Variants in CNTNAP2 observed in about 807,000 individuals in gnomAD.
CNTNAP2 encodes contactin associated protein 2, also known as contactin-associated protein-like 2.
Under a neutral mutation model 155.2 loss-of-function variants are expected in CNTNAP2, and 98 were observed. The observed-to-expected ratio is 0.63, with a 90% CI of 0.54 to 0.75. The LOEUF is 0.75. Among genes scored for constraint, CNTNAP2 ranks in the 30% least tolerant of loss-of-function variants. CNTNAP2 has a pLI of 0.00. For synonymous variants in CNTNAP2, 651 were observed against 631.2 expected (o/e 1.03, Z -0.47); for missense variants, 1,727 against 1,688.1 (o/e 1.02, Z -0.40).
At chr7:146,927,960 GTATA>G (rs58609819) in intron 3 of CNTNAP2, among the ~76,000 whole-genome samples, 44,874 of 146,068 alleles carry the variant, frequency 0.31, 7,393 homozygotes, top group Non-Finnish European at 0.37. Flanking sequence ...TAATGTGTGT[GTATA>G]TATATATATA....
intron 3 of CNTNAP2, among the ~76,000 whole-genome samples, chr7:146,993,794 A>G (rs1022967699): frequency 5.9e-5 from 9 of 152,162 alleles, no homozygotes; most frequent in Non-Finnish European, 7.4e-5. Context: ...CGTGCTACAT[A>G]TGACTATTTT....
At chr7:147,217,637 T>C (rs1803303741) in intron 8 of CNTNAP2, among the ~76,000 whole-genome samples, 1 of 151,970 alleles carries the variant, frequency 6.6e-6, no homozygotes, top group African/African-American at 2.4e-5. Flanking sequence ...TCTAGGTTTG[T>C]TGCTAAGATG....
At position 147,132,484 on chromosome 7, in the gene CNTNAP2, G is replaced by C; in HGVS notation, c.1323G>C (p.Lys441Asn). 6.2e-7 allele frequency: 1 copy of C among 1,613,592 alleles called. No individual in the cohort carries two copies. The highest frequency in any genetic ancestry group is 8.5e-7 in the Non-Finnish European group (1 of 1,179,690). ...TTCACATCAACATCACACAGACCAA[G>C]ATGAGCCAAATCGATATTTCCTCAG... ...VGVHINITQT[K>N]MSQIDISSGS... The change falls in exon 8 of 24, where the codon AAG (lysine) becomes AAC (asparagine). Residue 441 changes from lysine to asparagine, a missense_variant. Coordinates refer to ENST00000361727, the MANE Select transcript of CNTNAP2 (RefSeq NM_014141.6).
intron 1 of CNTNAP2, among the ~76,000 whole-genome samples, chr7:146,364,815 C>A (rs376411326): frequency 2.0e-5 from 3 of 152,094 alleles, no homozygotes; most frequent in Non-Finnish European, 4.4e-5. Context: ...ACTACAGGAA[C>A]CTTTGAACAT....
intron 4 of CNTNAP2, among the ~76,000 whole-genome samples, chr7:147,055,784 C>G (rs1030617521): frequency 6.6e-6 from 1 of 151,992 alleles, no homozygotes. Context: ...TAGGAGGGAA[C>G]GGAAGCCCAA....
At chr7:146,579,551 C>T (rs1429776749) in intron 1 of CNTNAP2, among the ~76,000 whole-genome samples, 1 of 152,018 alleles carries the variant, frequency 6.6e-6, no homozygotes, top group Admixed American at 6.6e-5. Context: ...GACTGTTAAC[C>T]TTCACTTAAG....
chr7:148,186,856 A>G (rs181870371), intron 18 of CNTNAP2, among the ~76,000 whole-genome samples: 1 of 152,246 alleles, frequency 6.6e-6, no homozygotes, highest in Admixed American at 6.5e-5. Context: ...CAGTGGTCCA[A>G]TTTGCTATGG....
chr7:147,992,008 G>T (rs1801718048), intron 15 of CNTNAP2, among the ~76,000 whole-genome samples: 1 of 144,880 alleles, frequency 6.9e-6, no homozygotes, highest in Non-Finnish European at 1.5e-5. Flanking sequence ...TGATAGTTCT[G>T]TTATAGCAGT....
At chr7:147,385,188 C>A (rs700301) in intron 9 of CNTNAP2, among the ~76,000 whole-genome samples, 21,249 of 152,160 alleles carry the variant, frequency 0.14, 1,671 homozygotes, top group East Asian at 0.32. Flanking sequence ...GATTCCTTCC[C>A]TGACTCGTGG....
chr7:146,778,735 AC>A (rs1802433180), intron 2 of CNTNAP2, among the ~76,000 whole-genome samples: 1 of 152,214 alleles, frequency 6.6e-6, no homozygotes, highest in Non-Finnish European at 1.5e-5. Flanking sequence ...AATCTTCATA[AC>A]AACCTGGTTA....
chr7:147,692,672 C>T (rs941820506), intron 13 of CNTNAP2, among the ~76,000 whole-genome samples: 9 of 151,986 alleles, frequency 5.9e-5, no homozygotes, highest in Non-Finnish European at 8.8e-5. Flanking sequence ...TGTTAAGATA[C>T]GGACCATTTT....
chr7:147,247,732 T>TA (rs1482326139), intron 8 of CNTNAP2, among the ~76,000 whole-genome samples: 1 of 152,176 alleles, frequency 6.6e-6, no homozygotes, highest in Non-Finnish European at 1.5e-5. Flanking sequence ...AAGTTTCTTC[T>TA]AATAATATCA....
chr7:146,619,858 T>A (rs964494549), intron 1 of CNTNAP2, among the ~76,000 whole-genome samples: 1 of 152,222 alleles, frequency 6.6e-6, no homozygotes, highest in Non-Finnish European at 1.5e-5. Flanking sequence ...ATTCGAATAC[T>A]ATGTAGATGT....
At chr7:148,001,137 A>C (rs1164383458) in intron 15 of CNTNAP2, among the ~76,000 whole-genome samples, 2 of 152,206 alleles carry the variant, frequency 1.3e-5, no homozygotes, top group Non-Finnish European at 2.9e-5. Context: ...TTTCCAAATT[A>C]GGTCACACTC....
At chr7:146,642,934 T>C (rs1476109513) in intron 1 of CNTNAP2, among the ~76,000 whole-genome samples, 9 of 151,712 alleles carry the variant, frequency 5.9e-5, no homozygotes, top group Non-Finnish European at 1.2e-4. Context: ...GTTTCATGTG[T>C]TTTTTGGCTG....
intron 2 of CNTNAP2, among the ~76,000 whole-genome samples, chr7:146,802,846 T>C (rs1802904664): frequency 6.6e-6 from 1 of 152,166 alleles, no homozygotes; most frequent in African/African-American, 2.4e-5. Flanking sequence ...AATTGATTAC[T>C]AGACTTAGAC....
chr7:146,720,693 C>T lies in CNTNAP2; in HGVS notation c.98-53578C>T, dbSNP rs186100952. ...TTCCATTCACTGTCTGTTACGTTTTCACTCTTTATTATAGATTGTATGTCT... is the reference window on the plus strand; with the variant it reads ...TTCCATTCACTGTCTGTTACGTTTTTACTCTTTATTATAGATTGTATGTCT... On this transcript the variant is annotated intron_variant, in intron 1 of 23. Transcript: ENST00000361727. Among the ~76,000 whole-genome samples the T allele has an allele frequency of 1.4e-3, 205 of 151,766 alleles. 1 individual carries two copies. Among genetic ancestry groups the T allele is most frequent in the African/African-American group, 4.8e-3 (197 of 41,446 alleles).
At chr7:146,897,076 T>C (rs1795892562) in intron 3 of CNTNAP2, among the ~76,000 whole-genome samples, 1 of 152,114 alleles carries the variant, frequency 6.6e-6, no homozygotes, top group African/African-American at 2.4e-5. Flanking sequence ...TGAACACAAG[T>C]AACCTCATTT....
chr7:147,706,554 G>A (rs1040694095), intron 13 of CNTNAP2, among the ~76,000 whole-genome samples: 1 of 152,008 alleles, frequency 6.6e-6, no homozygotes, highest in Non-Finnish European at 1.5e-5. Flanking sequence ...GCTGGTTTTA[G>A]AATTCTCTCT....
Sources: allele counts gnomAD v4.1 joint callset (sites outside exome capture counted in the v4.1 genomes callset), GRCh38; gene constraint gnomAD v4.1.1; transcripts MANE v1.5; gene names NCBI Gene and HGNC (gene_info 2026-07-23, HGNC 2026-07-21).